Variants in CSF1R observed in about 807,000 individuals in gnomAD.
The protein encoded by CSF1R is macrophage colony-stimulating factor 1 receptor.
In CSF1R, 40 loss-of-function variants were observed where a neutral mutation model predicts 110.0. The ratio of observed to expected loss-of-function variants is 0.36; its 90% confidence interval spans 0.28 to 0.47. CSF1R has a LOEUF of 0.47. Among genes scored for constraint, CSF1R ranks in the 20% least tolerant of loss-of-function variants. CSF1R has a pLI of 0.99. For synonymous variants in CSF1R, 523 were observed against 503.4 expected (o/e 1.04, Z -0.52); for missense variants, 1,052 against 1,253.0 (o/e 0.84, Z 2.42).
chr5:150,072,864 A>G (rs764505824), intron 6 of CSF1R, among the ~76,000 whole-genome samples: 22 of 152,174 alleles, frequency 1.4e-4, no homozygotes, highest in Non-Finnish European at 1.8e-4. Flanking sequence ...TGATTGTGTG[A>G]TCTTAATTCC....
chr5:150,091,576 G>A lies in CSF1R; in HGVS notation c.-180-4969C>T, dbSNP rs555226774. ...AACAGGTAAACCTGTAGAGGCAGAC[G>A]GTTGACGAGTGGTTACCAGGGGATG... is the stretch of plus-strand genomic sequence containing the variant. On this transcript the variant is annotated intron_variant, in intron 1 of 21. Transcript: ENST00000286301. Among the ~76,000 whole-genome samples, 45 of 152,196 alleles carry A rather than the reference G, an allele frequency of 3.0e-4. 1 individual carries two copies. The highest frequency in any genetic ancestry group is 8.9e-4 in the African/African-American group (37 of 41,516).
At chr5:150,109,806 CA>C in intron 1 of CSF1R, among the ~76,000 whole-genome samples, 1 of 152,090 alleles carries the variant, frequency 6.6e-6, no homozygotes, top group East Asian at 1.9e-4. Context: ...CTTAAATATG[CA>C]AAAACAAACA....
rs1173881997 is a variant in CSF1R at position 150,080,160 on chromosome 5, A to G, written c.484T>C (p.Phe162Leu). The change falls in exon 3 of 21, where the codon TTC (phenylalanine) becomes CTC (leucine). Residue 162 changes from phenylalanine (F) to leucine (L), a missense_variant. Phe to Leu is a conservative substitution (Grantham distance 22). Around this residue, in one of 5 missense-constraint regions of CSF1R, gnomAD observed 693 missense variants for 735.4 expected, o/e 0.94. Coordinates refer to ENST00000675795, the MANE Select transcript of CSF1R (RefSeq NM_001288705.3). ...ATGAACTTGGCCCTGTGGATGGTGAAGCCATGCCAGGGCGAGAAGGAGTAG... is the reference window on the plus strand; with the variant it reads ...ATGAACTTGGCCCTGTGGATGGTGAGGCCATGCCAGGGCGAGAAGGAGTAG... Reference protein sequence around the residue: ...TNYSFSPWHGFTIHRAKFIQS... With the variant: ...TNYSFSPWHGLTIHRAKFIQS... 6.2e-7 allele frequency: 1 copy of G among 1,614,058 alleles called. No individual in the cohort carries two copies.
intron 6 of CSF1R, 50 bp downstream of exon 6, chr5:150,073,251 A>G: frequency 1.3e-6 from 2 of 1,563,004 alleles, no homozygotes; most frequent in Middle Eastern, 2.2e-4. Flanking sequence ...TTGCTGAAGC[A>G]TACCCCATCT....
upstream of CSF1R, among the ~76,000 whole-genome samples, chr5:150,087,414 A>G (rs1244332248): frequency 6.6e-6 from 1 of 152,226 alleles, no homozygotes; most frequent in East Asian, 1.9e-4. Flanking sequence ...GGTAAGTACT[A>G]TTGTCATTCT....
At chr5:150,112,844 C>G (rs558563647) in intron 1 of CSF1R, among the ~76,000 whole-genome samples, 1 of 152,316 alleles carries the variant, frequency 6.6e-6, no homozygotes, top group Admixed American at 6.5e-5. Flanking sequence ...CAGCCCCAGA[C>G]TCCTGGAGGC....
In CSF1R at chr5:150,103,938, T is replaced by A. The variant is rs114368509; in HGVS notation, c.-181+9323A>T. Among the ~76,000 whole-genome samples, 894 of 152,154 alleles carry A rather than the reference T, an allele frequency of 5.9e-3. 3 individuals carry two copies. Among genetic ancestry groups the A allele is most frequent in the Non-Finnish European group, 8.5e-3 (580 of 67,988 alleles). ...GCCTCTAGAGGGGTGCACCTCCAAG[T>A]GCAGTTCAGGGACCCCAGCCTCAGA... On this transcript the variant is annotated intron_variant, in intron 1 of 21. Coordinates refer to the CSF1R transcript ENST00000286301.
chr5:150,053,913 C>T lies in CSF1R; in HGVS notation c.*156G>A, dbSNP rs886060254. The T allele has an allele frequency of 1.3e-6, 1 of 757,912 alleles. No individual in the cohort carries two copies. The highest frequency in any genetic ancestry group is 2.7e-5 in the East Asian group (1 of 37,066). 46.9% of individuals were successfully genotyped at this position (757,912 alleles called of 1,614,324 possible). A position where few individuals can be genotyped will look rare whatever the true frequency, so the allele number is the denominator to read the frequency against. ...CTCAGGAAGTGGGATCCTCTGACCT[C>T]CCCTGAATCCCTCACCTTCCCAAGT... On this transcript the variant is annotated 3_prime_UTR_variant, in exon 21 of 21. Coordinates refer to ENST00000675795, the MANE Select transcript of CSF1R (RefSeq NM_001288705.3).
In CSF1R at chr5:150,070,057, A is replaced by T. The variant is rs879792396; in HGVS notation, c.1326T>A (p.Asp442Glu). 1.9e-6 allele frequency: 3 copies of T among 1,613,700 alleles called. No individual in the cohort carries two copies. The Admixed American group carries it at 5.0e-5, about 27-fold the overall frequency. ...LQCSGHTDRC[D>E]EAQVLQVWDD... ...CCCAGACCTGCAGCACTTGGGCCTC[A>T]TCACACCTGGCAAAAGCAGAATGTG... The change falls in exon 9 of 21, where the codon GAT becomes GAA. Residue 442 changes from aspartate (D) to glutamate (E), a missense_variant. This residue lies in a region of CSF1R where 693 missense variants were observed against 735.4 expected (regional missense o/e 0.94). Coordinates refer to ENST00000675795, the MANE Select transcript of CSF1R (RefSeq NM_001288705.3).
chr5:150,059,554 G>A (rs1757406123), intron 14 of CSF1R, 146 bp downstream of exon 14: 1 of 876,932 alleles, frequency 1.1e-6, no homozygotes, highest in Non-Finnish European at 1.8e-6. Flanking sequence ...TAAAACCTGT[G>A]GTGGCTACTT....
At chr5:150,062,278 A>G (rs1238186127) in intron 10 of CSF1R, among the ~76,000 whole-genome samples, 1 of 125,262 alleles carries the variant, frequency 8.0e-6, no homozygotes, top group Non-Finnish European at 1.7e-5. Context: ...TTGTGATAAA[A>G]CATACATGAA....
chr5:150,080,173 C>A lies in CSF1R; in HGVS notation c.471G>T (p.Ser157=), dbSNP rs759585681. ...PLMRHTNYSF[S]PWHGFTIHRA... ...TGTGGATGGTGAAGCCATGCCAGGGCGAGAAGGAGTAGTTGGTGTGGCGCA... is the reference window on the plus strand; with the variant it reads ...TGTGGATGGTGAAGCCATGCCAGGGAGAGAAGGAGTAGTTGGTGTGGCGCA... The change falls in exon 3 of 21, where the codon TCG becomes TCT. Residue 157 remains serine, a synonymous_variant. Transcript: ENST00000675795. 1.2e-6 allele frequency: 2 copies of A among 1,613,756 alleles called. No homozygotes were observed. The highest frequency in any genetic ancestry group is 1.7e-6 in the Non-Finnish European group (2 of 1,180,056).
intron 1 of CSF1R, among the ~76,000 whole-genome samples, chr5:150,107,976 A>C (rs1170489804): frequency 1.3e-5 from 2 of 152,186 alleles, no homozygotes; most frequent in Non-Finnish European, 2.9e-5. Context: ...GAACCAGGCC[A>C]CTGGGGGAGT....
chr5:150,088,417 C>T (rs554030688), upstream of CSF1R, among the ~76,000 whole-genome samples: 1 of 152,138 alleles, frequency 6.6e-6, no homozygotes, highest in South Asian at 2.1e-4. Flanking sequence ...TTTCTGGTAC[C>T]AAAGCTAGAC....
intron 1 of CSF1R, among the ~76,000 whole-genome samples, chr5:150,098,174 G>T (rs1171508864): frequency 6.6e-6 from 1 of 152,018 alleles, no homozygotes; most frequent in Non-Finnish European, 1.5e-5. Flanking sequence ...TGGAACAACT[G>T]GCTATCCACA....
intron 19 of CSF1R, 68 bp from the exon 20 acceptor site, chr5:150,054,498 C>T (rs907458035): frequency 1.5e-6 from 2 of 1,305,898 alleles, no homozygotes; most frequent in Admixed American, 2.3e-5. Context: ...ACACACACCC[C>T]TAGAGAGACC....
intron 4 of CSF1R, among the ~76,000 whole-genome samples, 186 bp from the exon 5 acceptor site, chr5:150,077,621 A>T (rs908721243): frequency 6.6e-6 from 1 of 152,166 alleles, no homozygotes; most frequent in Non-Finnish European, 1.5e-5. Flanking sequence ...TGAGATATGC[A>T]TGCAAGTGGC....
intron 18 of CSF1R, 121 bp downstream of exon 18, chr5:150,055,905 G>A: frequency 1.2e-6 from 1 of 841,406 alleles, no homozygotes; most frequent in Non-Finnish European, 1.9e-6. Flanking sequence ...GAGAGCCCTT[G>A]CCCATTCCTG....
At chr5:150,068,165 C>T in intron 10 of CSF1R, 50 bp downstream of exon 10, 2 of 1,460,866 alleles carry the variant, frequency 1.4e-6, no homozygotes, top group Non-Finnish European at 1.9e-6. Flanking sequence ...GGGTACCATC[C>T]AAATCTGGCT....
Sources: gnomAD v4.1 joint callset for allele counts (sites outside exome capture counted in the v4.1 genomes callset) on GRCh38, gnomAD v4.1.1 for gene constraint, gnomAD v4.1.1 regional missense constraint, MANE v1.5 for transcripts, NCBI Gene and HGNC (gene_info 2026-07-23, HGNC 2026-07-21) for gene names.